MAGI1: variants seen among roughly 807,000 people sequenced by gnomAD.
MAGI1 encodes the protein membrane-associated guanylate kinase, WW and PDZ domain-containing protein 1.
MAGI1 carries 58 observed loss-of-function variants against 139.9 expected under a neutral mutation model. The ratio of observed to expected loss-of-function variants is 0.41; its 90% CI spans 0.34 to 0.52. MAGI1 has a LOEUF of 0.52. Ranked by LOEUF, MAGI1 falls within the 20% of genes least tolerant of loss-of-function variation. The pLI is 0.12. For synonymous variants in MAGI1, 812 were observed against 737.9 expected, an observed-to-expected ratio of 1.10 and a Z score of -1.63; for missense variants, 1,874 against 1,901.6, an observed-to-expected ratio of 0.99 and a Z score of 0.27.
intron 1 of MAGI1, among the ~76,000 whole-genome samples, chr3:65,792,322 G>A (rs552114018): frequency 5.3e-5 from 8 of 151,842 alleles, no homozygotes; most frequent in Non-Finnish European, 1.0e-4. Flanking sequence ...AAAATTAGCC[G>A]GGTGTGGTGG....
intron 3 of MAGI1, among the ~76,000 whole-genome samples, chr3:65,483,710 T>G (rs1951439619): frequency 6.6e-6 from 1 of 152,158 alleles, no homozygotes; most frequent in Non-Finnish European, 1.5e-5. Flanking sequence ...GCTGCTATTT[T>G]CAGAACTGGT....
At chr3:65,994,290 A>AAC (rs2066329158) in intron 1 of MAGI1, among the ~76,000 whole-genome samples, 2 of 151,478 alleles carry the variant, frequency 1.3e-5, no homozygotes, top group African/African-American at 2.4e-5. Flanking sequence ...AAAAAAAAAA[A>AAC]CACTGGTAAA....
intron 1 of MAGI1, among the ~76,000 whole-genome samples, chr3:65,731,542 C>G (rs1458025588): frequency 6.6e-6 from 1 of 150,552 alleles, no homozygotes; most frequent in African/African-American, 2.4e-5. Flanking sequence ...GTAGTCCCAG[C>G]TACTGGGGCG....
chr3:65,751,159 C>A (rs931692), intron 1 of MAGI1, among the ~76,000 whole-genome samples: 1 of 151,718 alleles, frequency 6.6e-6, no homozygotes, highest in African/African-American at 2.4e-5. Flanking sequence ...GATTAAAACC[C>A]TAAAACTAGT....
At chr3:65,583,844 A>G (rs2081548681) in intron 2 of MAGI1, among the ~76,000 whole-genome samples, 1 of 152,260 alleles carries the variant, frequency 6.6e-6, no homozygotes, top group Non-Finnish European at 1.5e-5. Context: ...TGTTTTGAAA[A>G]TCTATACTAA....
chr3:65,774,716 C>G (rs528725789), intron 1 of MAGI1, among the ~76,000 whole-genome samples: 26 of 152,154 alleles, frequency 1.7e-4, no homozygotes, highest in Non-Finnish European at 3.5e-4. Context: ...GTACATGGAA[C>G]ATATAGATCA....
intron 1 of MAGI1, among the ~76,000 whole-genome samples, chr3:65,940,921 A>G (rs377149081): frequency 7.9e-5 from 12 of 152,208 alleles, no homozygotes; most frequent in African/African-American, 2.9e-4. Context: ...GAGGTATTAC[A>G]GTTTTCCTGG....
chr3:65,551,046 T>A (rs1284375408), intron 2 of MAGI1, among the ~76,000 whole-genome samples: 1 of 152,138 alleles, frequency 6.6e-6, no homozygotes, highest in Non-Finnish European at 1.5e-5. Flanking sequence ...TCCCCATGTG[T>A]CCAGGGAGAG....
intron 1 of MAGI1, among the ~76,000 whole-genome samples, chr3:66,007,323 A>C (rs2067077291): frequency 6.6e-6 from 1 of 152,208 alleles, no homozygotes; most frequent in African/African-American, 2.4e-5. Flanking sequence ...CCAATGACAC[A>C]CTGTCTCTTT....
intron 12 of MAGI1, among the ~76,000 whole-genome samples, chr3:65,416,890 G>A (rs1946259520): frequency 6.6e-6 from 1 of 152,096 alleles, no homozygotes; most frequent in Non-Finnish European, 1.5e-5. Context: ...GGAAATACCA[G>A]GTAAGGTAGA....
intron 1 of MAGI1, among the ~76,000 whole-genome samples, chr3:66,023,639 A>G (rs1261422446): frequency 1.3e-5 from 2 of 152,346 alleles, no homozygotes; most frequent in South Asian, 2.1e-4. Flanking sequence ...CTCCTGGGGT[A>G]AAGGTTAGGG....
At chr3:65,453,138 TTGGATTACC>T in intron 6 of MAGI1, 111 bp downstream of exon 6, 1 of 812,564 alleles carries the variant, frequency 1.2e-6, no homozygotes. Flanking sequence ...TTAGCAGAAA[TTGGATTACC>T]TTTTAAAAAC....
chr3:65,902,756 G>A (rs963791936), intron 1 of MAGI1: 3 of 152,720 alleles, frequency 2.0e-5, no homozygotes, highest in African/African-American at 4.8e-5. Context: ...ACTAGGGCAG[G>A]ACACACGCCA....
chr3:66,010,905 G>C (rs2067290409), intron 1 of MAGI1, among the ~76,000 whole-genome samples: 1 of 152,164 alleles, frequency 6.6e-6, no homozygotes, highest in Non-Finnish European at 1.5e-5. Flanking sequence ...TGGGTACACA[G>C]AATGCCAGCC....
chr3:66,022,415 A>T (rs933980773), intron 1 of MAGI1, among the ~76,000 whole-genome samples: 4 of 152,216 alleles, frequency 2.6e-5, no homozygotes, highest in Non-Finnish European at 4.4e-5. Context: ...TGTATAATAT[A>T]TCAATATTGA....
chr3:65,419,057 G>C (rs1946441974), intron 12 of MAGI1, among the ~76,000 whole-genome samples: 1 of 152,142 alleles, frequency 6.6e-6, no homozygotes, highest in African/African-American at 2.4e-5. Context: ...CCCTTGAATG[G>C]TGATGTGCCT....
intron 21 of MAGI1, among the ~76,000 whole-genome samples, chr3:65,362,297 T>C (rs1238167032): frequency 6.6e-6 from 1 of 152,184 alleles, no homozygotes; most frequent in Non-Finnish European, 1.5e-5. Flanking sequence ...AATATTTCAT[T>C]TGATTAACTT....
At chr3:65,848,095 G>A (rs1359288236) in intron 1 of MAGI1, among the ~76,000 whole-genome samples, 5 of 152,280 alleles carry the variant, frequency 3.3e-5, no homozygotes, top group Middle Eastern at 3.4e-3. Flanking sequence ...TTACCCAAAG[G>A]ACAGGAAATT....
At chr3:65,786,201 C>G (rs958353225) in intron 1 of MAGI1, among the ~76,000 whole-genome samples, 1 of 151,262 alleles carries the variant, frequency 6.6e-6, no homozygotes, top group Non-Finnish European at 1.5e-5. Context: ...GGTGATCTGG[C>G]CACCTTTTCC....
Sources: gnomAD v4.1 joint callset for allele counts (sites outside exome capture counted in the v4.1 genomes callset) on GRCh38, gnomAD v4.1.1 for gene constraint, MANE v1.5 for transcripts, NCBI Gene and HGNC (gene_info 2026-07-23, HGNC 2026-07-21) for gene names.